C9orf72: variants seen among roughly 807,000 people sequenced by gnomAD.
C9orf72 encodes C9orf72-SMCR8 complex subunit.
C9orf72 carries 44 observed loss-of-function variants against 51.6 expected under a neutral mutation model. The ratio of observed to expected loss-of-function variants is 0.85; its 90% CI spans 0.67 to 1.10. The LOEUF is 1.10. Among genes scored for constraint, C9orf72 ranks in the 50% least tolerant of loss-of-function variants. C9orf72 has a pLI of 0.00. For synonymous variants in C9orf72, 213 were observed against 194.2 expected, an observed-to-expected ratio of 1.10 and a Z score of -0.81; for missense variants, 607 against 570.6, an observed-to-expected ratio of 1.06 and a Z score of -0.65.
In C9orf72 at chr9:27,558,579, G is replaced by C. The variant is rs1263100650; in HGVS notation, c.767C>G (p.Thr256Ser). 6.2e-7 allele frequency: 1 copy of C among 1,601,120 alleles called. No individual in the cohort carries two copies. Among genetic ancestry groups the C allele is most frequent in the East Asian group, 2.2e-5 (1 of 44,584 alleles). ...CCTGGAGCATTTTCTCTCTGCTGGA[G>C]TCAGAAAAAGGCATAATGTTCTGAC... The part of the protein sequence containing the change: ...KIVRTLCLFL[T>S]PAERKCSRLC... The change falls in exon 7 of 11, where the codon ACT becomes AGT. Residue 256 changes from threonine (T) to serine (S), a missense_variant. By Grantham distance (58) the Thr-to-Ser change is moderately conservative. Coordinates refer to ENST00000380003, the MANE Select transcript of C9orf72 (RefSeq NM_018325.5).
intron 4 of C9orf72, 125 bp from the exon 5 acceptor site, chr9:27,561,774 C>A: frequency 1.7e-6 from 1 of 580,644 alleles, no homozygotes; most frequent in Non-Finnish European, 3.0e-6. Context: ...TTCCGAGAAT[C>A]AAGACTCCCC....
chr9:27,569,840 T>G (rs1819546723), intron 1 of C9orf72, among the ~76,000 whole-genome samples: 1 of 152,318 alleles, frequency 6.6e-6, no homozygotes, highest in Non-Finnish European at 1.5e-5. Context: ...TATGATTGCT[T>G]TGGGAGCTAA....
chr9:27,553,892 G>A (rs1413481625), intron 8 of C9orf72, among the ~76,000 whole-genome samples: 6 of 152,036 alleles, frequency 3.9e-5, no homozygotes, highest in Non-Finnish European at 7.4e-5. Flanking sequence ...CAAAGGACAT[G>A]AAAATTTTTC....
intron 9 of C9orf72, among the ~76,000 whole-genome samples, chr9:27,549,776 CAAAAA>C (rs35362390): frequency 7.3e-6 from 1 of 136,732 alleles, no homozygotes; most frequent in East Asian, 2.1e-4. Flanking sequence ...CTCCCTTTCT[CAAAAA>C]AAAAAAAAAA....
At position 27,557,101 on chromosome 9, in the gene C9orf72, G is replaced by C. The variant is rs987825463; in HGVS notation, c.856-305C>G. Among the ~76,000 whole-genome samples, 11 of 152,276 alleles carry C rather than the reference G, an allele frequency of 7.2e-5. No individual in the cohort carries two copies. In the South Asian group the frequency reaches 1.0e-3, roughly 14 times the overall value. On this transcript the variant is annotated intron_variant, in intron 7 of 10. Coordinates refer to ENST00000380003, the MANE Select transcript of C9orf72 (RefSeq NM_018325.5). ...TTGTGTTGATATTCAAAGAGGCTTAGAATCTGCTGTGAAAAAAGCAGATTA... is the reference window on the plus strand; with the variant it reads ...TTGTGTTGATATTCAAAGAGGCTTACAATCTGCTGTGAAAAAAGCAGATTA...
rs1353998755 is a variant in C9orf72, at chr9:27,548,405, G to T, written c.1277C>A (p.Pro426His). ...IEDDTQKGKK[P>H]FKSLRNLKID... Reference sequence around the variant, plus strand: ...CTTCAGGTTCCGAAGAGATTTAAAGGGCTTTTTTCCCTTCTGCCTAAAAAT... The same window carrying T: ...CTTCAGGTTCCGAAGAGATTTAAAGTGCTTTTTTCCCTTCTGCCTAAAAAT... The change falls in exon 11 of 11, where the codon CCC (proline) becomes CAC (histidine). Residue 426 changes from proline to histidine, a missense_variant. Transcript: ENST00000380003. 1 of 1,121,744 alleles carries T rather than the reference G, an allele frequency of 8.9e-7. No individual in the cohort carries two copies. The highest frequency in any genetic ancestry group is 1.2e-6 in the Non-Finnish European group (1 of 813,302). 69.5% of individuals were successfully genotyped at this position (1,121,744 alleles called of 1,614,324 possible).
At chr9:27,565,863 G>C (rs1213723502) in intron 2 of C9orf72, among the ~76,000 whole-genome samples, 1 of 151,890 alleles carries the variant, frequency 6.6e-6, no homozygotes. Context: ...GTTTCAAAAA[G>C]GAAAAGAATG....
intron 2 of C9orf72, 106 bp from the exon 3 acceptor site, chr9:27,565,696 T>C: frequency 1.4e-6 from 1 of 705,226 alleles, no homozygotes; most frequent in Admixed American, 2.6e-5. Context: ...ACAAGAAAAA[T>C]ACTTTCTACT....
chr9:27,562,493 C>A lies in C9orf72; in HGVS notation c.505-17G>T, dbSNP rs751520789. 3 of 1,376,680 alleles carry A rather than the reference C, an allele frequency of 2.2e-6. No homozygotes were observed. The South Asian group carries it at 4.1e-5, about 19-fold the overall frequency. The allele number at this position is 1,376,680 out of a possible 1,614,324, so 85.3% of individuals were successfully genotyped here. On this transcript the variant is annotated splice_polypyrimidine_tract_variant and intron_variant, in intron 3 of 10. Transcript: ENST00000380003. Reference sequence around the variant, plus strand: ...ACTCTGACCCTGCACAATAAAGTGACATGAAGTGAAGAAAATCACGTAATA... The same window carrying A: ...ACTCTGACCCTGCACAATAAAGTGAAATGAAGTGAAGAAAATCACGTAATA...
At chr9:27,552,462 C>T (rs71510499) in intron 8 of C9orf72, among the ~76,000 whole-genome samples, 7,088 of 151,914 alleles carry the variant, frequency 0.047, 238 homozygotes, top group East Asian at 0.11. Context: ...AATCCTCCCA[C>T]CTCAACCTCC....
At chr9:27,551,410 C>T (rs537011594) in intron 8 of C9orf72, among the ~76,000 whole-genome samples, 1 of 152,200 alleles carries the variant, frequency 6.6e-6, no homozygotes, top group African/African-American at 2.4e-5. Context: ...CCTTCCCAGG[C>T]CCCACCTCCC....
In C9orf72 at chr9:27,546,815, A is replaced by G. The variant is rs1820778877; in HGVS notation, c.*1421T>C. 6.6e-6 allele frequency: 1 copy of G among 152,184 alleles called. No individual in the cohort carries two copies. Among genetic ancestry groups the G allele is most frequent in the Non-Finnish European group, 1.5e-5 (1 of 68,022 alleles). 9.4% of individuals were successfully genotyped at this position (152,184 alleles called of 1,614,324 possible). On this transcript the variant is annotated 3_prime_UTR_variant, in exon 11 of 11. Transcript: ENST00000380003. ...GTCATCTAGTTCAGTGGTTGTCTAA[A>G]ACATCAAGCTGTCCACATCTTTCTG... is the stretch of plus-strand genomic sequence containing the variant.
chr9:27,557,439 G>A (rs1415025882), intron 7 of C9orf72, among the ~76,000 whole-genome samples: 3 of 152,086 alleles, frequency 2.0e-5, no homozygotes, highest in Non-Finnish European at 4.4e-5. Flanking sequence ...CTATTATAAT[G>A]CTGTGATAAT....
At chr9:27,549,439 G>T (rs1247423207) in intron 9 of C9orf72, among the ~76,000 whole-genome samples, 1 of 152,092 alleles carries the variant, frequency 6.6e-6, no homozygotes, top group African/African-American at 2.4e-5. Flanking sequence ...GTCAGCTTGA[G>T]AAGCATGAAA....
At chr9:27,565,204 G>A (rs1418488762) in intron 3 of C9orf72, among the ~76,000 whole-genome samples, 1 of 150,626 alleles carries the variant, frequency 6.6e-6, no homozygotes, top group Non-Finnish European at 1.5e-5. Flanking sequence ...GGAAAGGTTC[G>A]AGAAGTAGTA....
At chr9:27,557,642 T>C (rs1028934896) in intron 7 of C9orf72, among the ~76,000 whole-genome samples, 1 of 152,074 alleles carries the variant, frequency 6.6e-6, no homozygotes, top group African/African-American at 2.4e-5. Flanking sequence ...TTAAGCACTT[T>C]ATTATGCCTT....
At chr9:27,562,273 T>A in intron 4 of C9orf72, 108 bp downstream of exon 4, 1 of 419,504 alleles carries the variant, frequency 2.4e-6, no homozygotes, top group Non-Finnish European at 4.1e-6. Flanking sequence ...GTGAATAGTA[T>A]GTATGACAAA....
chr9:27,566,113 A>G (rs1819461273), intron 2 of C9orf72, among the ~76,000 whole-genome samples: 1 of 152,170 alleles, frequency 6.6e-6, no homozygotes, highest in East Asian at 1.9e-4. Flanking sequence ...TGTTCTTTAG[A>G]TACATCAAAA....
chr9:27,548,568 T>G lies in C9orf72; in HGVS notation c.1248A>C (p.Ile416=), dbSNP rs762581307. 6.3e-7 allele frequency: 1 copy of G among 1,588,048 alleles called. No individual in the cohort carries two copies. The highest frequency in any genetic ancestry group is 1.1e-5 in the South Asian group (1 of 90,506). Residue 416 remains isoleucine (I), a synonymous_variant, in exon 10 of 11, where the codon ATA becomes ATC. Coordinates refer to ENST00000380003, the MANE Select transcript of C9orf72 (RefSeq NM_018325.5). ...GGAGTTTTACTCACGTATCGTCTTCTATATATTTTATTAGTGTCAAGGCTT... is the reference window on the plus strand; with the variant it reads ...GGAGTTTTACTCACGTATCGTCTTCGATATATTTTATTAGTGTCAAGGCTT... The part of the protein sequence containing the change: ...HRKALTLIKY[I]EDDTQKGKKP...
Sources: allele counts gnomAD v4.1 joint callset (sites outside exome capture counted in the v4.1 genomes callset), GRCh38; gene constraint gnomAD v4.1.1; transcripts MANE v1.5; gene names NCBI Gene and HGNC (gene_info 2026-07-23, HGNC 2026-07-21).